Variants in SOX5 observed in about 807,000 individuals in gnomAD.
The protein encoded by SOX5 is SRY-box transcription factor 5.
Under a neutral mutation model 92.0 loss-of-function variants are expected in SOX5, and 9 were observed. The ratio of observed to expected loss-of-function variants is 0.10; its 90% confidence interval spans 0.06 to 0.17. The LOEUF is 0.17. SOX5 is among the 10% of genes least tolerant of loss of function. The pLI is 1.00. For synonymous variants in SOX5, 344 were observed against 336.3 expected, an observed-to-expected ratio of 1.02 and a Z score of -0.25; for missense variants, 642 against 944.5, an observed-to-expected ratio of 0.68 and a Z score of 4.20.
chr12:24,264,742 A>T (rs933046076), intron 3 of SOX5, among the ~76,000 whole-genome samples: 7 of 152,234 alleles, frequency 4.6e-5, no homozygotes, highest in African/African-American at 1.7e-4. Context: ...AATTATGCTC[A>T]TGAGATAACT....
At chr12:24,308,095 A>G (rs1032667644) in intron 2 of SOX5, among the ~76,000 whole-genome samples, 20 of 152,048 alleles carry the variant, frequency 1.3e-4, no homozygotes, top group African/African-American at 4.6e-4. Context: ...GAGTGTGCTC[A>G]AGCATGCCTA....
intron 1 of SOX5, among the ~76,000 whole-genome samples, chr12:24,455,578 G>A (rs940951497): frequency 2.6e-5 from 4 of 152,144 alleles, no homozygotes; most frequent in African/African-American, 9.7e-5. Context: ...TGCATTCATG[G>A]AGCCCACGCT....
chr12:24,535,472 G>A (rs1012738076), intron 1 of SOX5, among the ~76,000 whole-genome samples: 2 of 152,134 alleles, frequency 1.3e-5, no homozygotes, highest in African/African-American at 2.4e-5. Flanking sequence ...GTTACCAAGC[G>A]ATCTGAAAAG....
chr12:23,602,443 A>G (rs1044144815), intron 9 of SOX5, among the ~76,000 whole-genome samples: 5 of 152,152 alleles, frequency 3.3e-5, no homozygotes, highest in Non-Finnish European at 4.4e-5. Context: ...ACAAATTAGT[A>G]GATGCATAAA....
upstream of SOX5, among the ~76,000 whole-genome samples, chr12:23,952,624 A>G (rs2139886889): frequency 6.6e-6 from 1 of 152,304 alleles, no homozygotes. Flanking sequence ...AAGACAAATT[A>G]TTTCTTGCAC....
intron 3 of SOX5, among the ~76,000 whole-genome samples, chr12:24,250,579 C>T (rs948559307): frequency 2.6e-5 from 4 of 152,230 alleles, no homozygotes; most frequent in African/African-American, 9.6e-5. Context: ...CAGCATTTCG[C>T]TTTGAAGTTC....
chr12:24,283,472 C>A (rs1945461601), intron 2 of SOX5, among the ~76,000 whole-genome samples: 1 of 152,190 alleles, frequency 6.6e-6, no homozygotes, highest in Admixed American at 6.5e-5. Context: ...AAAAGATGAC[C>A]CCTTGGGGGA....
chr12:24,506,784 C>CTTTTTTTTTTTTTTTTTTTTTTT lies in SOX5; in HGVS notation c.-251+55544_-251+55545insAAAAAAAAAAAAAAAAAAAAAAA, dbSNP rs386375924. Among the ~76,000 whole-genome samples the CTTTTTTTTTTTTTTTTTTTTTTT allele has an allele frequency of 2.8e-4, 23 of 81,766 alleles. 1 individual carries two copies. Among genetic ancestry groups the CTTTTTTTTTTTTTTTTTTTTTTT allele is most frequent in the Non-Finnish European group, 3.8e-4 (17 of 45,148 alleles). The allele number at this position is 81,766 out of a possible 152,430, so 53.6% of individuals were successfully genotyped here. ...CTGTATTTCATGGTATCCAAATGGT[C>CTTTTTTTTTTTTTTTTTTTTTTT]TTTTTTTTTTTTTTTTTTTTTTGGA... On this transcript the variant is annotated intron_variant, in intron 1 of 4. Coordinates refer to the SOX5 transcript ENST00000446891.
intron 13 of SOX5, among the ~76,000 whole-genome samples, chr12:23,540,186 C>T (rs1050699462): frequency 6.6e-6 from 1 of 151,316 alleles, no homozygotes; most frequent in Non-Finnish European, 1.5e-5. Context: ...TTATTCATTC[C>T]CTGCTGCTTT....
At chr12:24,050,168 T>C (rs921353274) in intron 4 of SOX5, among the ~76,000 whole-genome samples, 1 of 151,846 alleles carries the variant, frequency 6.6e-6, no homozygotes, top group Non-Finnish European at 1.5e-5. Flanking sequence ...CAAACGTCTT[T>C]GAGGTTTCTT....
chr12:24,376,689 C>CTTTTTTTTTTTTTTTTTTTTTTTTT (rs1480014070), intron 1 of SOX5, among the ~76,000 whole-genome samples: 2 of 93,084 alleles, frequency 2.1e-5, no homozygotes. Flanking sequence ...GGGAGAGATA[C>CTTTTTTTTTTTTTTTTTTTTTTTTT]CTTTTTTTTT....
chr12:23,835,994 G>A (rs954352952), intron 3 of SOX5, among the ~76,000 whole-genome samples: 3 of 151,758 alleles, frequency 2.0e-5, no homozygotes, highest in African/African-American at 7.2e-5. Flanking sequence ...CATCGAGATT[G>A]AAAGAAGCAT....
chr12:24,244,039 G>A lies in SOX5; in HGVS notation c.-76-30622C>T, dbSNP rs564588539. ...AGGAAGATTTAAATTTTGAATGTAG[G>A]CATATTGATAAAAAAAAAAAAAAAA... On this transcript the variant is annotated intron_variant, in intron 3 of 4. Coordinates refer to the SOX5 transcript ENST00000446891. Among the ~76,000 whole-genome samples, 292 of 113,442 alleles carry A rather than the reference G, an allele frequency of 2.6e-3. 1 individual carries two copies. The highest frequency in any genetic ancestry group is 3.0e-3 in the Non-Finnish European group (179 of 58,930). 74.4% of individuals were successfully genotyped at this position (113,442 alleles called of 152,430 possible).
chr12:24,434,277 G>A (rs1938975679), intron 1 of SOX5, among the ~76,000 whole-genome samples: 1 of 152,160 alleles, frequency 6.6e-6, no homozygotes, highest in Non-Finnish European at 1.5e-5. Flanking sequence ...TACTTTCAAG[G>A]TACTAGGATA....
At chr12:23,949,508 A>G in intron 1 of SOX5, 56 bp downstream of exon 1, 1 of 1,601,084 alleles carries the variant, frequency 6.2e-7, no homozygotes, top group African/African-American at 1.3e-5. Flanking sequence ...TTCAGAGACT[A>G]CTGTAAAATG....
intron 4 of SOX5, among the ~76,000 whole-genome samples, chr12:23,964,014 A>G (rs941496039): frequency 2.6e-5 from 4 of 152,076 alleles, no homozygotes; most frequent in Admixed American, 1.3e-4. Context: ...AAACTTAGGA[A>G]GAATACAAAT....
At position 24,217,338 on chromosome 12, in the gene SOX5, G is replaced by A. The variant is rs76057611; in HGVS notation, c.-76-3921C>T. Among the ~76,000 whole-genome samples, 778 of 152,276 alleles carry A rather than the reference G, an allele frequency of 5.1e-3. 6 individuals carry two copies. The highest frequency in any genetic ancestry group is 7.5e-3 in the Non-Finnish European group (511 of 68,012). On this transcript the variant is annotated intron_variant, in intron 3 of 4. Coordinates refer to the SOX5 transcript ENST00000446891. ...CTGATGTTAACTGCAAATAGTTAGC[G>A]TCAGATTGAATTGAACTACAGGACA...
intron 1 of SOX5, among the ~76,000 whole-genome samples, chr12:24,426,323 T>TG (rs1966762641): frequency 7.9e-6 from 1 of 126,222 alleles, no homozygotes; most frequent in Non-Finnish European, 1.7e-5. Flanking sequence ...GGTGGGGACC[T>TG]GGGGGAGGGA....
intron 6 of SOX5, among the ~76,000 whole-genome samples, chr12:23,729,205 TGTTA>T (rs551053590): frequency 2.6e-5 from 4 of 152,080 alleles, no homozygotes; most frequent in South Asian, 2.1e-4. Context: ...GAGAACCAGG[TGTTA>T]GTTAGGTATT....
Sources: allele counts gnomAD v4.1 joint callset (sites outside exome capture counted in the v4.1 genomes callset), GRCh38; gene constraint gnomAD v4.1.1; transcripts MANE v1.5; gene names NCBI Gene and HGNC (gene_info 2026-07-23, HGNC 2026-07-21).